The following TMEM276 variants were observed in gnomAD, a reference collection of about 807,000 sequenced individuals.
The protein encoded by TMEM276 is transmembrane protein 276.
the TMEM276 span, chr8:144,464,510 A>C: frequency 6.2e-7 from 1 of 1,612,286 alleles, no homozygotes; most frequent in Non-Finnish European, 8.5e-7. Flanking sequence ...GTGGCCACCC[A>C]GGCTCCAGCA....
the TMEM276 span, chr8:144,464,281 C>T: frequency 2.5e-6 from 4 of 1,613,312 alleles, no homozygotes; most frequent in Non-Finnish European, 3.4e-6. Context: ...CATCGCCCCC[C>T]CCCACATCCC....
At chr8:144,466,854 G>T in the TMEM276 span, 1 of 1,536,708 alleles carries the variant, frequency 6.5e-7, no homozygotes, top group Non-Finnish European at 8.7e-7. Context: ...TGCGGGCTGG[G>T]AGTCCCGCGG....
At chr8:144,465,060 C>T in the TMEM276 span, 12 of 1,531,438 alleles carry the variant, frequency 7.8e-6, no homozygotes, top group Non-Finnish European at 9.6e-6. Context: ...GAAGTTCAGT[C>T]CTAGACTTTC....
chr8:144,465,152 C>G, the TMEM276 span: 1 of 1,416,264 alleles, frequency 7.1e-7, no homozygotes, highest in African/African-American at 1.4e-5. Context: ...GACTCAGGGT[C>G]TAAGCTGGGG....
At chr8:144,466,389 G>A in the TMEM276 span, 1 of 1,025,842 alleles carries the variant, frequency 9.7e-7, no homozygotes, top group South Asian at 2.8e-5. Context: ...GGGGCGGCGC[G>A]AAGCGGGGCC....
chr8:144,465,054 T>C, the TMEM276 span: 30 of 1,533,900 alleles, frequency 2.0e-5, no homozygotes, highest in Non-Finnish European at 2.5e-5. Flanking sequence ...TTAGGAGAAG[T>C]TCAGTCCTAG....
At chr8:144,466,850 C>T in the TMEM276 span, 1 of 1,536,522 alleles carries the variant, frequency 6.5e-7, no homozygotes, top group Non-Finnish European at 8.7e-7. Flanking sequence ...TAGGTGCGGG[C>T]TGGGAGTCCC....
At chr8:144,466,281 C>T in the TMEM276 span, 1 of 221,524 alleles carries the variant, frequency 4.5e-6, no homozygotes, top group Non-Finnish European at 8.6e-6. Flanking sequence ...TCCCCGCGCT[C>T]GCCTTCCAGC....
chr8:144,466,769 A>C, the TMEM276 span: 14 of 1,531,350 alleles, frequency 9.1e-6, no homozygotes, highest in Non-Finnish European at 1.1e-5. Context: ...GAGAGCCCGC[A>C]AGCCCCGGGG....
the TMEM276 span, chr8:144,464,940 G>A: frequency 1.3e-5 from 21 of 1,603,348 alleles, no homozygotes; most frequent in Non-Finnish European, 1.8e-5. Context: ...ACACAGATAG[G>A]AGATACTCAA....
the TMEM276 span, chr8:144,464,928 G>C: frequency 6.2e-7 from 1 of 1,606,490 alleles, no homozygotes; most frequent in Non-Finnish European, 8.5e-7. Flanking sequence ...GTATGTACGA[G>C]GACACAGATA....
the TMEM276 span, chr8:144,464,878 C>T: frequency 1.9e-6 from 3 of 1,612,550 alleles, no homozygotes; most frequent in Admixed American, 5.0e-5. Context: ...CTGTGCTCCA[C>T]TCGGCCCCCG....
chr8:144,466,958 G>A, the TMEM276 span: 2 of 1,591,782 alleles, frequency 1.3e-6, no homozygotes, highest in East Asian at 2.2e-5. Flanking sequence ...CTGACCGGCA[G>A]CCAGCTCCGA....
At chr8:144,466,696 C>A in the TMEM276 span, 1 of 1,347,106 alleles carries the variant, frequency 7.4e-7, no homozygotes, top group Non-Finnish European at 9.9e-7. Context: ...GCCCGGTTCG[C>A]GGAGGGAAGG....
chr8:144,464,282 C>T, the TMEM276 span: 26 of 1,613,192 alleles, frequency 1.6e-5, no homozygotes, highest in South Asian at 1.3e-4. Flanking sequence ...ATCGCCCCCC[C>T]CCACATCCCA....
the TMEM276 span, chr8:144,464,059 C>T: frequency 7.7e-6 from 12 of 1,554,544 alleles, no homozygotes; most frequent in Non-Finnish European, 1.0e-5. Flanking sequence ...GGAGAAGGCG[C>T]CAGGAGCAGG....
At chr8:144,465,361 G>T in the TMEM276 span, 1 of 1,068,868 alleles carries the variant, frequency 9.4e-7, no homozygotes, top group Non-Finnish European at 1.1e-6. Context: ...ACCGGGCTGC[G>T]CGGTCCCAAC....
At chr8:144,464,538 G>C in the TMEM276 span, 1 of 1,611,920 alleles carries the variant, frequency 6.2e-7, no homozygotes. Flanking sequence ...CTTCGTGTGT[G>C]CTCAGCCCTG....
the TMEM276 span, chr8:144,464,490 G>A: frequency 6.2e-7 from 1 of 1,612,314 alleles, no homozygotes; most frequent in Admixed American, 1.7e-5. Context: ...GAAGGGGAAG[G>A]CCGATGACGG....
Sources: allele counts gnomAD v4.1 joint callset, GRCh38; gene constraint gnomAD v4.1.1; transcripts MANE v1.5; gene names NCBI Gene and HGNC (gene_info 2026-07-23, HGNC 2026-07-21).